ZNF251: variants seen among roughly 807,000 people sequenced by gnomAD.
ZNF251 encodes the protein zinc finger protein 251.
A neutral mutation model predicts 13.5 loss-of-function variants in ZNF251; 14 were observed. That is an observed-to-expected ratio of 1.04 (90% CI 0.69 to 1.63). ZNF251 has a LOEUF of 1.63. Ranked by LOEUF, ZNF251 falls within the 40% of genes most tolerant of loss-of-function variation. The pLI is 0.00. For missense variants in ZNF251, 764 were observed against 834.9 expected (o/e 0.92, Z 1.05); for synonymous variants, 287 against 295.2 (o/e 0.97, Z 0.28).
At chr8:144,730,024 C>A (rs1022132969) in intron 4 of ZNF251, 16 of 985,316 alleles carry the variant, frequency 1.6e-5, no homozygotes, top group Non-Finnish European at 1.9e-5. Flanking sequence ...CGGGTGCCCT[C>A]ACCCACCAAC....
At chr8:144,736,633 A>G (rs558803895) in intron 4 of ZNF251, among the ~76,000 whole-genome samples, 3 of 152,098 alleles carry the variant, frequency 2.0e-5, no homozygotes, top group South Asian at 4.1e-4. Flanking sequence ...CTGGGATTAC[A>G]GGCAGGCGCC....
At chr8:144,744,621 A>G (rs2130043302) in intron 4 of ZNF251, among the ~76,000 whole-genome samples, 1 of 152,300 alleles carries the variant, frequency 6.6e-6, no homozygotes, top group Middle Eastern at 3.4e-3. Flanking sequence ...TTATAAGAAG[A>G]GATACCAGAG....
intron 4 of ZNF251, among the ~76,000 whole-genome samples, chr8:144,743,289 G>C (rs112532616): frequency 3.9e-5 from 6 of 152,038 alleles, no homozygotes; most frequent in Non-Finnish European, 8.8e-5. Context: ...GTCTCGAACT[G>C]CTGACCTCAA....
At chr8:144,749,478 T>C (rs1322298825) in intron 4 of ZNF251, among the ~76,000 whole-genome samples, 2 of 152,238 alleles carry the variant, frequency 1.3e-5, no homozygotes, top group East Asian at 1.9e-4. Flanking sequence ...AGAGTGAGAC[T>C]GTCTCAAAAA....
Position 144,753,807 on chromosome 8 carries a change from TGAG to T in ZNF251, c.164-14_164-12del. The T allele has an allele frequency of 6.4e-7, 1 of 1,556,636 alleles. No homozygotes were observed. Among genetic ancestry groups the T allele is most frequent in the Non-Finnish European group, 8.7e-7 (1 of 1,148,594 alleles). ...TAGGGACAGGGAATCCTGTTGAGGA[TGAG>T]GACACTGGTGAGCTGGCATGGCCCA... On this transcript the variant is annotated splice_polypyrimidine_tract_variant and intron_variant, in intron 3 of 4. Coordinates refer to ENST00000292562, the MANE Select transcript of ZNF251 (RefSeq NM_138367.2).
chr8:144,733,401 T>C (rs1823779355), intron 4 of ZNF251, among the ~76,000 whole-genome samples: 1 of 152,204 alleles, frequency 6.6e-6, no homozygotes, highest in African/African-American at 2.4e-5. Context: ...GCAGCACGCC[T>C]GTTTCTGAGC....
rs564054311 is a variant in ZNF251 at position 144,732,750 on chromosome 8, T to G, written c.278-9368A>C. Among the ~76,000 whole-genome samples the G allele has an allele frequency of 1.3e-4, 19 of 149,440 alleles. No homozygotes were observed. The South Asian group carries it at 3.8e-3, about 30-fold the overall frequency. On this transcript the variant is annotated intron_variant, in intron 4 of 4. Coordinates refer to ENST00000292562, the MANE Select transcript of ZNF251 (RefSeq NM_138367.2). Reference sequence around the variant, plus strand: ...TGGCGTGAACCCGGGAGGCGGAGCTTGCAGTGAGCCAAGATCGCACCACTG... The same window carrying G: ...TGGCGTGAACCCGGGAGGCGGAGCTGGCAGTGAGCCAAGATCGCACCACTG...
At chr8:144,745,961 C>G (rs1184019978) in intron 4 of ZNF251, among the ~76,000 whole-genome samples, 1 of 152,136 alleles carries the variant, frequency 6.6e-6, no homozygotes, top group Admixed American at 6.5e-5. Context: ...TTTAGCTCTT[C>G]TTTGATATAT....
chr8:144,729,566 G>A (rs1823632018), intron 4 of ZNF251, among the ~76,000 whole-genome samples: 1 of 152,046 alleles, frequency 6.6e-6, no homozygotes, highest in South Asian at 2.1e-4. Context: ...TCGATCTCCT[G>A]ACCTCGCCAT....
chr8:144,755,164 C>G (rs1343261828), intron 1 of ZNF251: 1 of 1,178,812 alleles, frequency 8.5e-7, no homozygotes, highest in Non-Finnish European at 1.1e-6. Context: ...AAGGAGGCCG[C>G]GGGGATGCTG....
chr8:144,749,057 C>T (rs546231197), intron 4 of ZNF251, among the ~76,000 whole-genome samples: 1 of 151,734 alleles, frequency 6.6e-6, no homozygotes, highest in Admixed American at 6.6e-5. Context: ...CCCAGCTGCC[C>T]GGGATGCTGA....
intron 4 of ZNF251, among the ~76,000 whole-genome samples, chr8:144,738,104 C>T (rs1431362130): frequency 6.6e-6 from 1 of 152,102 alleles, no homozygotes; most frequent in African/African-American, 2.4e-5. Context: ...AAAGCAACCA[C>T]CTCTCAGTGG....
intron 4 of ZNF251, chr8:144,753,391 G>A (rs966729184): frequency 1.4e-5 from 4 of 283,700 alleles, no homozygotes; most frequent in African/African-American, 8.8e-5. Flanking sequence ...TTGTCAAAAG[G>A]AAATAAGTGT....
At chr8:144,736,084 G>A (rs954002665) in intron 4 of ZNF251, among the ~76,000 whole-genome samples, 1 of 152,190 alleles carries the variant, frequency 6.6e-6, no homozygotes, top group East Asian at 1.9e-4. Flanking sequence ...TGTGCCCAAC[G>A]CCCTCATCAT....
Position 144,755,492 on chromosome 8 carries a change from C to T in ZNF251, c.-163G>A. 1 of 1,287,044 alleles carries T rather than the reference C, an allele frequency of 7.8e-7. No homozygotes were observed. The highest frequency in any genetic ancestry group is 1.0e-6 in the Non-Finnish European group (1 of 988,622). 79.7% of individuals were successfully genotyped at this position (1,287,044 alleles called of 1,614,324 possible). ...CCCGGAACGGACCCTCCCACAGAAC[C>T]GGGTCCAGAGCCGGGGAGGGGGCGG... On this transcript the variant is annotated 5_prime_UTR_variant, in exon 1 of 5. Coordinates refer to ENST00000292562, the MANE Select transcript of ZNF251 (RefSeq NM_138367.2).
intron 4 of ZNF251, among the ~76,000 whole-genome samples, chr8:144,724,624 T>A (rs929571679): frequency 1.2e-4 from 19 of 152,206 alleles, no homozygotes; most frequent in African/African-American, 3.9e-4. Context: ...TTGAAATGAC[T>A]ACAATGATGC....
chr8:144,725,250 G>A (rs992650444), intron 4 of ZNF251, among the ~76,000 whole-genome samples: 3 of 152,176 alleles, frequency 2.0e-5, no homozygotes, highest in Non-Finnish European at 4.4e-5. Context: ...CCTGAGCTCA[G>A]GCAATCCGTC....
chr8:144,738,788 A>G (rs1426473569), intron 4 of ZNF251: 10 of 978,782 alleles, frequency 1.0e-5, no homozygotes, highest in African/African-American at 9.1e-5. Context: ...CAGTTCTCTC[A>G]TTCAAGGCAA....
intron 4 of ZNF251, among the ~76,000 whole-genome samples, chr8:144,744,408 T>C (rs1004823439): frequency 2.6e-5 from 4 of 152,200 alleles, no homozygotes; most frequent in Non-Finnish European, 5.9e-5. Flanking sequence ...CCTCTTTTTT[T>C]CCTATATTAT....
Sources: gnomAD v4.1 joint callset for allele counts (sites outside exome capture counted in the v4.1 genomes callset) on GRCh38, gnomAD v4.1.1 for gene constraint, MANE v1.5 for transcripts, NCBI Gene and HGNC (gene_info 2026-07-23, HGNC 2026-07-21) for gene names.